The following XKR6 variants were observed in gnomAD, a reference collection of about 807,000 sequenced individuals.
XKR6 encodes the protein XK related 6.
XKR6 carries 22 observed loss-of-function variants against 56.7 expected under a neutral mutation model. That is an observed-to-expected ratio of 0.39 (90% CI 0.28 to 0.55). The LOEUF (loss-of-function observed/expected upper bound fraction) is 0.55. Ranked by LOEUF, XKR6 falls within the 20% of genes least tolerant of loss-of-function variation. XKR6 has a pLI of 0.66. For synonymous variants in XKR6, 524 were observed against 387.8 expected, an observed-to-expected ratio of 1.35 and a Z score of -4.13; for missense variants, 852 against 889.0, an observed-to-expected ratio of 0.96 and a Z score of 0.53.
intron 1 of XKR6, chr8:11,035,440 C>T (rs1320775361): frequency 2.2e-6 from 1 of 463,998 alleles, no homozygotes; most frequent in African/African-American, 2.0e-5. Context: ...AATCTCTGCA[C>T]CCAAACAGGA....
chr8:11,190,649 T>A (rs1803525562), intron 1 of XKR6, among the ~76,000 whole-genome samples: 1 of 152,122 alleles, frequency 6.6e-6, no homozygotes, highest in Non-Finnish European at 1.5e-5. Context: ...ACATCAGAGG[T>A]CTCAAAGAAC....
intron 1 of XKR6, among the ~76,000 whole-genome samples, chr8:10,935,236 A>G (rs375762689): frequency 2.4e-4 from 27 of 114,468 alleles, no homozygotes; most frequent in South Asian, 5.4e-4. Context: ...CTGTGGGATC[A>G]GTGGTGATAT....
chr8:11,108,552 C>T (rs747928958), intron 1 of XKR6: 10 of 356,436 alleles, frequency 2.8e-5, no homozygotes, highest in Non-Finnish European at 4.9e-5. Context: ...TGTGGCTCAG[C>T]GGCCTTAGTG....
intron 2 of XKR6, among the ~76,000 whole-genome samples, chr8:10,907,188 T>C (rs1800210027): frequency 6.6e-6 from 1 of 152,158 alleles, no homozygotes; most frequent in Non-Finnish European, 1.5e-5. Flanking sequence ...TGATCTGGTG[T>C]AAACATAAGA....
intron 1 of XKR6, among the ~76,000 whole-genome samples, chr8:11,190,222 A>G (rs950475658): frequency 1.2e-4 from 18 of 148,864 alleles, no homozygotes; most frequent in African/African-American, 4.5e-4. Context: ...GAAAGAAAGA[A>G]AGAGAAAAGA....
chr8:11,131,992 C>T (rs1773235965), intron 1 of XKR6, among the ~76,000 whole-genome samples: 1 of 152,084 alleles, frequency 6.6e-6, no homozygotes, highest in African/African-American at 2.4e-5. Flanking sequence ...GTATGTTTTT[C>T]CCCTAGTGCT....
intron 1 of XKR6, among the ~76,000 whole-genome samples, chr8:11,056,013 G>A (rs1187221450): frequency 6.6e-6 from 1 of 152,118 alleles, no homozygotes; most frequent in East Asian, 1.9e-4. Context: ...GCAGCCCTTG[G>A]GTCTCGATTC....
intron 2 of XKR6, among the ~76,000 whole-genome samples, chr8:10,903,566 G>A (rs1402475951): frequency 1.3e-5 from 2 of 152,168 alleles, no homozygotes; most frequent in East Asian, 1.9e-4. Flanking sequence ...ATGTGGCTGT[G>A]TTTAGAGATA....
At chr8:10,978,577 G>T (rs1376081219) in intron 1 of XKR6, among the ~76,000 whole-genome samples, 1 of 152,150 alleles carries the variant, frequency 6.6e-6, no homozygotes, top group African/African-American at 2.4e-5. Flanking sequence ...AAAGAAACAG[G>T]CACCCCAAGA....
chr8:11,079,893 G>A (rs1797659572), intron 1 of XKR6, among the ~76,000 whole-genome samples: 1 of 152,256 alleles, frequency 6.6e-6, no homozygotes, highest in Non-Finnish European at 1.5e-5. Flanking sequence ...CTTGAACCCA[G>A]GAGTTCGAGG....
At chr8:11,010,858 A>C (rs1053567298) in intron 1 of XKR6, among the ~76,000 whole-genome samples, 2 of 151,736 alleles carry the variant, frequency 1.3e-5, no homozygotes, top group Non-Finnish European at 2.9e-5. Context: ...TCCCCACCAC[A>C]GTCGTGGTAT....
At chr8:11,146,426 T>C (rs939906365) in intron 1 of XKR6, among the ~76,000 whole-genome samples, 4 of 152,140 alleles carry the variant, frequency 2.6e-5, no homozygotes, top group African/African-American at 4.8e-5. Flanking sequence ...AGGAGTTCAA[T>C]ACCAGCTTGG....
At chr8:11,091,983 G>C (rs1049392962) in intron 1 of XKR6, among the ~76,000 whole-genome samples, 1 of 152,096 alleles carries the variant, frequency 6.6e-6, no homozygotes, top group African/African-American at 2.4e-5. Context: ...AAAACCCTGC[G>C]GTTCAGAATT....
At chr8:10,994,177 CA>C (rs1015562790) in intron 1 of XKR6, among the ~76,000 whole-genome samples, 3 of 152,224 alleles carry the variant, frequency 2.0e-5, no homozygotes, top group Non-Finnish European at 2.9e-5. Context: ...GTCATCCTGC[CA>C]GGGGGCTCCT....
chr8:10,968,001 G>GCCC, intron 1 of XKR6, among the ~76,000 whole-genome samples: 1 of 152,296 alleles, frequency 6.6e-6, no homozygotes, highest in African/African-American at 2.4e-5. Context: ...CTCACTCGGC[G>GCCC]CCCTCCGGGC....
At chr8:11,124,442 A>C in intron 1 of XKR6, 1 of 165,306 alleles carries the variant, frequency 6.0e-6, no homozygotes, top group Admixed American at 5.7e-5. Flanking sequence ...TGAAGTAGAG[A>C]AGTCACAAGC....
chr8:10,999,133 C>G (rs1254652233), intron 1 of XKR6, among the ~76,000 whole-genome samples: 1 of 152,234 alleles, frequency 6.6e-6, no homozygotes, highest in Non-Finnish European at 1.5e-5. Flanking sequence ...ATCCATCAAG[C>G]ATGCATTAAT....
At chr8:10,953,268 A>G (rs1801782807) in intron 1 of XKR6, among the ~76,000 whole-genome samples, 1 of 152,170 alleles carries the variant, frequency 6.6e-6, no homozygotes, top group African/African-American at 2.4e-5. Context: ...CTGGTTTAGC[A>G]CCATCTTCCT....
At position 10,898,931 on chromosome 8, in the gene XKR6, C is replaced by T; in HGVS notation, c.962-15G>A. On this transcript the variant is annotated splice_polypyrimidine_tract_variant and intron_variant, in intron 2 of 2. Transcript: ENST00000416569. This position sits in a 1 kb window ranked among gnomAD's most constrained non-coding sequence, Gnocchi z 6.6. ...AGAGGAGACACCTGCCGGAAAGACA[C>T]AAACCCACACAGTCAAAACCTTGGA... 1 of 1,581,406 alleles carries T rather than the reference C, an allele frequency of 6.3e-7. No homozygotes were observed. The highest frequency in any genetic ancestry group is 8.6e-7 in the Non-Finnish European group (1 of 1,166,130).
Sources: gnomAD v4.1 joint callset for allele counts (sites outside exome capture counted in the v4.1 genomes callset) on GRCh38, gnomAD v4.1.1 for gene constraint, Gnocchi (gnomAD v3.1) non-coding constraint, MANE v1.5 for transcripts, NCBI Gene and HGNC (gene_info 2026-07-23, HGNC 2026-07-21) for gene names.